The following ABCG2 variants were observed in gnomAD, a reference collection of about 807,000 sequenced individuals.
ABCG2 encodes the protein broad substrate specificity ATP-binding cassette transporter ABCG2.
ABCG2 carries 80 observed loss-of-function variants against 73.5 expected under a neutral mutation model. The ratio of observed to expected loss-of-function variants is 1.09; its 90% CI spans 0.91 to 1.31. The LOEUF (loss-of-function observed/expected upper bound fraction) is 1.31, where lower values mean the gene tolerates loss of function less well. Ranked by LOEUF, ABCG2 falls within the 50% of genes most tolerant of loss-of-function variation. The pLI is 0.00. For missense variants in ABCG2, 796 were observed against 786.2 expected (o/e 1.01, Z -0.15); for synonymous variants, 269 against 282.4 (o/e 0.95, Z 0.48).
intron 1 of ABCG2, among the ~76,000 whole-genome samples, chr4:88,213,038 A>G (rs2110124761): frequency 6.6e-6 from 1 of 152,194 alleles, no homozygotes; most frequent in Non-Finnish European, 1.5e-5. Flanking sequence ...AGTAGCTGGG[A>G]CTACCAATGA....
At chr4:88,155,513 G>T (rs1461349368) in intron 1 of ABCG2, among the ~76,000 whole-genome samples, 1 of 152,190 alleles carries the variant, frequency 6.6e-6, no homozygotes, top group Non-Finnish European at 1.5e-5. Flanking sequence ...GGTCACAGAG[G>T]ATATGATGGC....
chr4:88,212,509 C>T (rs562584588), intron 1 of ABCG2, among the ~76,000 whole-genome samples: 4 of 152,248 alleles, frequency 2.6e-5, no homozygotes, highest in African/African-American at 9.6e-5. Context: ...TGTTCTCCAC[C>T]CTGCGTTACC....
intron 1 of ABCG2, among the ~76,000 whole-genome samples, chr4:88,155,025 C>T (rs1357920034): frequency 6.6e-6 from 1 of 152,040 alleles, no homozygotes; most frequent in Non-Finnish European, 1.5e-5. Context: ...CAGCCCTGCA[C>T]TTCGGCTGTG....
At chr4:88,133,827 G>A (rs919873941) in intron 2 of ABCG2, among the ~76,000 whole-genome samples, 7 of 152,140 alleles carry the variant, frequency 4.6e-5, no homozygotes, top group East Asian at 1.9e-4. Context: ...GCAAAACCCC[G>A]TCTCTACTAA....
chr4:88,192,787 C>T (rs1560748402), intron 1 of ABCG2, among the ~76,000 whole-genome samples: 1 of 151,496 alleles, frequency 6.6e-6, no homozygotes, highest in Non-Finnish European at 1.5e-5. Flanking sequence ...TCTCGGCTCA[C>T]TGCAACCTCT....
intron 9 of ABCG2, among the ~76,000 whole-genome samples, chr4:88,109,058 G>A (rs964224562): frequency 1.3e-5 from 2 of 150,782 alleles, no homozygotes; most frequent in African/African-American, 2.4e-5. Flanking sequence ...GAGTGCAATG[G>A]CGCGATCTCG....
At chr4:88,100,642 C>T (rs984430264) in intron 11 of ABCG2, among the ~76,000 whole-genome samples, 2 of 151,876 alleles carry the variant, frequency 1.3e-5, no homozygotes, top group African/African-American at 4.8e-5. Context: ...AAAGCAAGAC[C>T]CTGTCTCCAA....
chr4:88,182,446 C>T (rs1156661733), intron 1 of ABCG2, among the ~76,000 whole-genome samples: 1 of 152,136 alleles, frequency 6.6e-6, no homozygotes. Context: ...CTACAGAATA[C>T]ACATTCTTCT....
intron 1 of ABCG2, among the ~76,000 whole-genome samples, chr4:88,217,217 A>T (rs760612866): frequency 1.8e-4 from 28 of 152,218 alleles, no homozygotes; most frequent in Non-Finnish European, 3.2e-4. Context: ...ATATACCTAG[A>T]TCTTACAGAG....
At chr4:88,202,350 T>TATATATATATATATATATA (rs1553945697) in intron 1 of ABCG2, among the ~76,000 whole-genome samples, 2 of 35,394 alleles carry the variant, frequency 5.7e-5, no homozygotes, top group Non-Finnish European at 9.6e-5. Context: ...ATCTCTACAA[T>TATATATATATATATATATA]TATTTATATA....
chr4:88,097,500 C>T lies in ABCG2; in HGVS notation c.1600G>A (p.Val534Ile). The T allele has an allele frequency of 6.2e-7, 1 of 1,614,132 alleles. No homozygotes were observed. The highest frequency in any genetic ancestry group is 1.1e-5 in the South Asian group (1 of 91,074). Residue 534 changes from valine (V) to isoleucine (I), a missense_variant, in exon 13 of 16, where the codon GTT becomes ATT. Physicochemically the swap from Val to Ile is conservative, Grantham distance 29. Coordinates refer to ENST00000237612, the MANE Select transcript of ABCG2 (RefSeq NM_004827.3). ...ALAIAAGQSV[V>I]SVATLLMTIC... Reference sequence around the variant, plus strand: ...GTCATGAGAAGTGTTGCTACAGAAACCACACTCTGACCTGCTGCTATGGCC... The same window carrying T: ...GTCATGAGAAGTGTTGCTACAGAAATCACACTCTGACCTGCTGCTATGGCC...
chr4:88,133,937 G>T (rs905931701), intron 2 of ABCG2, among the ~76,000 whole-genome samples: 3 of 151,986 alleles, frequency 2.0e-5, no homozygotes, highest in Non-Finnish European at 4.4e-5. Context: ...GGTGGAGGTT[G>T]CAGTGAGCCG....
At chr4:88,166,229 TAAGGAGACTTTACTGCCAGG>T (rs1028736248) in intron 1 of ABCG2, among the ~76,000 whole-genome samples, 2 of 152,174 alleles carry the variant, frequency 1.3e-5, no homozygotes, top group African/African-American at 4.8e-5. Flanking sequence ...TCACTGCCAG[TAAGGAGACTTTACTGCCAGG>T]AAGGAGACCA....
At chr4:88,153,332 CTG>C (rs1726671006) in intron 1 of ABCG2, among the ~76,000 whole-genome samples, 1 of 152,036 alleles carries the variant, frequency 6.6e-6, no homozygotes, top group South Asian at 2.1e-4. Flanking sequence ...GGTCTGGTGT[CTG>C]GAATGAGACT....
chr4:88,114,634 A>C lies in ABCG2; in HGVS notation c.943+323T>G, dbSNP rs1578189615. 3.3e-5 allele frequency among the ~76,000 whole-genome samples: 5 copies of C among 152,130 alleles called. No homozygotes were observed. The South Asian group carries it at 1.0e-3, about 31-fold the overall frequency. ...AAGAGCTAGATTCCTTCTCAAAAAA[A>C]AAAAAAAAAATCTGGTTGTTGCTTC... On this transcript the variant is annotated intron_variant, in intron 8 of 15. Transcript: ENST00000237612.
intron 1 of ABCG2, among the ~76,000 whole-genome samples, chr4:88,147,830 T>A (rs896209261): frequency 1.2e-4 from 18 of 152,190 alleles, no homozygotes; most frequent in African/African-American, 4.3e-4. Flanking sequence ...AGACTGAGCA[T>A]GAAATTTGTG....
At chr4:88,118,653 G>A (rs993579423) in intron 6 of ABCG2, among the ~76,000 whole-genome samples, 2 of 152,146 alleles carry the variant, frequency 1.3e-5, no homozygotes, top group Admixed American at 6.5e-5. Flanking sequence ...TAAAACAATG[G>A]TCATATATCT....
chr4:88,104,466 A>G (rs1722639605), intron 10 of ABCG2, among the ~76,000 whole-genome samples: 1 of 152,202 alleles, frequency 6.6e-6, no homozygotes, highest in Non-Finnish European at 1.5e-5. Flanking sequence ...CCACTTTAAC[A>G]TAGTCCAAAT....
intron 1 of ABCG2, among the ~76,000 whole-genome samples, chr4:88,174,247 G>A (rs1314488132): frequency 2.6e-5 from 4 of 151,680 alleles, no homozygotes; most frequent in African/African-American, 9.7e-5. Context: ...GTGGTTTGCG[G>A]TTCCTATCAA....
Sources: allele counts gnomAD v4.1 joint callset (sites outside exome capture counted in the v4.1 genomes callset), GRCh38; gene constraint gnomAD v4.1.1; transcripts MANE v1.5; gene names NCBI Gene and HGNC (gene_info 2026-07-23, HGNC 2026-07-21).